The following DNAH10 variants were observed in gnomAD, a reference collection of about 807,000 sequenced individuals.
The protein encoded by DNAH10 is dynein axonemal heavy chain 10.
DNAH10 carries 348 observed loss-of-function variants against 506.6 expected under a neutral mutation model. That is an observed-to-expected ratio of 0.69 (90% confidence interval 0.63 to 0.75). DNAH10 has a LOEUF of 0.75. Among genes scored for constraint, DNAH10 ranks in the 30% least tolerant of loss-of-function variants. DNAH10 has a pLI of 0.00. For synonymous variants in DNAH10, 2,059 were observed against 2,198.6 expected, an observed-to-expected ratio of 0.94 and a Z score of 1.78; for missense variants, 5,179 against 5,787.1, an observed-to-expected ratio of 0.89 and a Z score of 3.41.
chr12:123,808,246 G>T (rs918497131), intron 18 of DNAH10, among the ~76,000 whole-genome samples: 3 of 152,108 alleles, frequency 2.0e-5, no homozygotes, highest in Admixed American at 6.6e-5. Flanking sequence ...GCCCAGGCTG[G>T]TCTCAAACTC....
chr12:123,818,855 A>G, intron 21 of DNAH10, 95 bp from the exon 22 acceptor site: 2 of 816,548 alleles, frequency 2.4e-6, no homozygotes, highest in African/African-American at 1.7e-5. Flanking sequence ...TGTTGCCACA[A>G]GCAGAAGTCC....
rs1172588876 is a variant in DNAH10, at chr12:123,820,978, G to A, written c.4179+220G>A. Among the ~76,000 whole-genome samples the A allele has an allele frequency of 3.9e-5, 6 of 152,208 alleles. No homozygotes were observed. The East Asian group carries it at 5.8e-4, about 15-fold the overall frequency. Reference sequence around the variant, plus strand: ...AAAGTTCTGGAAATAGGCTGGGTGCGGTGGCTCACGCCTGTAATCCCAGCA... The same window carrying A: ...AAAGTTCTGGAAATAGGCTGGGTGCAGTGGCTCACGCCTGTAATCCCAGCA... On this transcript the variant is annotated intron_variant, in intron 24 of 78. Transcript: ENST00000673944.
chr12:123,927,191 C>T (rs574847066), intron 69 of DNAH10: 1 of 208,428 alleles, frequency 4.8e-6, no homozygotes, highest in Admixed American at 6.2e-5. Context: ...AGACTACAGG[C>T]ATGCGTCACC....
At position 123,913,434 on chromosome 12, in the gene DNAH10, G is replaced by A; in HGVS notation, c.10352+119G>A. 1 of 1,072,114 alleles carries A rather than the reference G, an allele frequency of 9.3e-7. No homozygotes were observed. The allele number at this position is 1,072,114 out of a possible 1,614,324, so 66.4% of individuals were successfully genotyped here. A position where few individuals can be genotyped will look rare whatever the true frequency, so the allele number is the denominator to read the frequency against. The stretch of plus-strand genomic sequence containing the variant: ...TTTTTATGTGAAAACCATGTGACCA[G>A]GTCTTATGTTCCTATTATCATGTTT... On this transcript the variant is annotated intron_variant, in intron 60 of 78. Coordinates refer to ENST00000673944, the MANE Select transcript of DNAH10 (RefSeq NM_001372106.1). This position sits in a 1 kb window ranked among gnomAD's most constrained non-coding sequence, Gnocchi z 5.1.
rs944251451 is a variant in DNAH10 at position 123,781,085 on chromosome 12, T to A, written c.627T>A (p.Phe209Leu). Residue 209 changes from phenylalanine to leucine, a missense_variant, in exon 6 of 79, where the codon TTT becomes TTA. Physicochemically the swap from Phe to Leu is conservative, Grantham distance 22. This residue lies in a region of DNAH10 where 326 missense variants were observed against 330.8 expected (regional missense o/e 0.99). Coordinates refer to ENST00000673944, the MANE Select transcript of DNAH10 (RefSeq NM_001372106.1). ...HFLKNIICQV[F>L]LPALSFNQHR... ...TCATAAAATTGGCATTTCAGGTTTT[T>A]TTGCCAGCATTGTCCTTCAATCAGC... The A allele has an allele frequency of 2.5e-6, 4 of 1,592,148 alleles. No individual in the cohort carries two copies. Among genetic ancestry groups the A allele is most frequent in the Non-Finnish European group, 3.4e-6 (4 of 1,172,476 alleles).
intron 19 of DNAH10, 62 bp from the exon 20 acceptor site, chr12:123,813,102 G>A: frequency 8.1e-7 from 1 of 1,231,276 alleles, no homozygotes; most frequent in Non-Finnish European, 1.2e-6. Context: ...ATACTAATAT[G>A]TACGTTGGAG....
intron 48 of DNAH10, 79 bp downstream of exon 48, chr12:123,877,987 A>G (rs1239552161): frequency 6.7e-7 from 1 of 1,484,372 alleles, no homozygotes; most frequent in East Asian, 2.3e-5. Context: ...AGGGCTTATC[A>G]GTGGATTTGA....
At chr12:123,888,394 T>C (rs1458004420) in intron 52 of DNAH10, among the ~76,000 whole-genome samples, 2 of 152,180 alleles carry the variant, frequency 1.3e-5, no homozygotes, top group Non-Finnish European at 2.9e-5. Context: ...AAAGAGTCTT[T>C]GCAGATGTAA....
At chr12:123,876,140 G>A (rs780677094) in intron 47 of DNAH10, among the ~76,000 whole-genome samples, 2 of 152,180 alleles carry the variant, frequency 1.3e-5, no homozygotes, top group South Asian at 2.1e-4. Context: ...GGCCAGGTGG[G>A]TAAGATAAAG....
chr12:123,914,300 A>T, intron 60 of DNAH10, 29 bp from the exon 61 acceptor site: 1 of 1,546,398 alleles, frequency 6.5e-7, no homozygotes, highest in Non-Finnish European at 8.8e-7. Flanking sequence ...AGGTAAACTC[A>T]CGGCAGCCTC....
At chr12:123,796,597 C>T in intron 12 of DNAH10, 59 bp from the exon 13 acceptor site, 3 of 1,472,904 alleles carry the variant, frequency 2.0e-6, no homozygotes, top group South Asian at 2.8e-5. Flanking sequence ...CAAATCTCAT[C>T]TTTCTTGGCT....
At chr12:123,812,163 G>A (rs1958961087) in intron 19 of DNAH10, among the ~76,000 whole-genome samples, 1 of 152,034 alleles carries the variant, frequency 6.6e-6, no homozygotes, top group Non-Finnish European at 1.5e-5. Flanking sequence ...GATTAAAACA[G>A]AGCCTTGGCC....
At chr12:123,814,609 A>ATTTTTTTTTTTTT (rs1214217837) in intron 21 of DNAH10, among the ~76,000 whole-genome samples, 3 of 121,216 alleles carry the variant, frequency 2.5e-5, no homozygotes, top group African/African-American at 6.7e-5. Context: ...GGCCAGGTAG[A>ATTTTTTTTTTTTT]TTTTTTTTTT....
intron 13 of DNAH10, among the ~76,000 whole-genome samples, chr12:123,798,068 A>G (rs1167443301): frequency 6.6e-6 from 1 of 152,164 alleles, no homozygotes. Context: ...AAGCATTATT[A>G]TTCTTTTGAT....
intron 59 of DNAH10, among the ~76,000 whole-genome samples, chr12:123,912,286 G>T (rs1270652327): frequency 4.2e-5 from 1 of 23,596 alleles, no homozygotes; most frequent in Admixed American, 4.0e-4. Flanking sequence ...TCCCGGGGGG[G>T]TCTGTCCTGG....
chr12:123,862,093 G>A (rs1207428011), intron 39 of DNAH10, among the ~76,000 whole-genome samples: 1 of 152,220 alleles, frequency 6.6e-6, no homozygotes, highest in Non-Finnish European at 1.5e-5. Flanking sequence ...GGCTGCAGGA[G>A]TGATGCTGTG....
rs199927036 is a variant in DNAH10 at position 123,924,438 on chromosome 12, C to T, written c.11766+6C>T. ...ATCAGACTGTCTGGCAGGAGGTGAGCCCACGTTCCCTTTCTCCTCCTCTCC... is the reference window on the plus strand; with the variant it reads ...ATCAGACTGTCTGGCAGGAGGTGAGTCCACGTTCCCTTTCTCCTCCTCTCC... On this transcript the variant is annotated splice_donor_region_variant and intron_variant, in intron 67 of 78. Transcript: ENST00000673944. 6.2e-4 allele frequency: 996 copies of T among 1,607,542 alleles called. No individual in the cohort carries two copies. The highest frequency in any genetic ancestry group is 7.7e-4 in the Non-Finnish European group (909 of 1,174,886).
rs115531858 is a variant in DNAH10 at position 123,772,574 on chromosome 12, C to T, written c.397-260C>T. 4.5e-3 allele frequency among the ~76,000 whole-genome samples: 684 copies of T among 152,284 alleles called. 6 individuals carry two copies. The highest frequency in any genetic ancestry group is 0.016 in the African/African-American group (657 of 41,552). On this transcript the variant is annotated intron_variant, in intron 3 of 78. Transcript: ENST00000673944. The stretch of plus-strand genomic sequence containing the variant: ...CATCTGCAAAACAAAATTCAAGCTC[C>T]ATCTGGACCTTTGCCAGGTCAGTTT...
intron 51 of DNAH10, among the ~76,000 whole-genome samples, chr12:123,886,722 GCTT>G (rs1158542760): frequency 6.7e-6 from 1 of 149,854 alleles, no homozygotes; most frequent in Non-Finnish European, 1.5e-5. Context: ...TTTAATTTCT[GCTT>G]CTGAGCTAAA....
Sources: gnomAD v4.1 joint callset for allele counts (sites outside exome capture counted in the v4.1 genomes callset) on GRCh38, gnomAD v4.1.1 for gene constraint, gnomAD v4.1.1 regional missense constraint, Gnocchi (gnomAD v3.1) non-coding constraint, MANE v1.5 for transcripts, NCBI Gene and HGNC (gene_info 2026-07-23, HGNC 2026-07-21) for gene names.